The following TRMT44 variants were observed in gnomAD, a reference collection of about 807,000 sequenced individuals.
TRMT44 encodes the protein probable tRNA (uracil-O(2)-)-methyltransferase.
A neutral mutation model predicts 77.3 loss-of-function variants in TRMT44; 78 were observed. That is an observed-to-expected ratio of 1.01 (90% CI 0.84 to 1.22). The LOEUF is 1.22. Ranked by LOEUF, TRMT44 falls within the 50% of genes most tolerant of loss-of-function variation. The probability of loss-of-function intolerance (pLI) is 0.00; values close to 1 mark genes in which losing one functional copy is unlikely to be tolerated. For missense variants in TRMT44, 1,090 were observed against 964.4 expected, an observed-to-expected ratio of 1.13 and a Z score of -1.73; for synonymous variants, 391 against 383.3, an observed-to-expected ratio of 1.02 and a Z score of -0.23.
chr4:8,513,130 C>G, the TRMT44 span, among the ~76,000 whole-genome samples: 1 of 152,138 alleles, frequency 6.6e-6, no homozygotes, highest in African/African-American at 2.4e-5. Flanking sequence ...TCAGGCTGGT[C>G]TCGAACTCCT....
chr4:8,513,214 C>T, the TRMT44 span, among the ~76,000 whole-genome samples: 5 of 152,230 alleles, frequency 3.3e-5, no homozygotes, highest in African/African-American at 7.2e-5. Context: ...TACAGTTCCA[C>T]ATGGCTATGG....
At chr4:8,470,064 C>G (rs1726878640) in intron 9 of TRMT44, among the ~76,000 whole-genome samples, 1 of 152,258 alleles carries the variant, frequency 6.6e-6, no homozygotes, top group African/African-American at 2.4e-5. Context: ...AGGAGGCACC[C>G]ATGGCTGAGT....
intron 1 of TRMT44, among the ~76,000 whole-genome samples, chr4:8,442,584 C>T (rs2631726): frequency 6.6e-6 from 1 of 152,242 alleles, no homozygotes; most frequent in African/African-American, 2.4e-5. Flanking sequence ...GTCTCTCTCA[C>T]GAGGCCAAAA....
At chr4:8,505,596 G>C in the TRMT44 span, among the ~76,000 whole-genome samples, 1 of 152,220 alleles carries the variant, frequency 6.6e-6, no homozygotes, top group African/African-American at 2.4e-5. Context: ...TAGCTGCACT[G>C]TTTCATGCCC....
Position 8,441,176 on chromosome 4 carries a change from A to C in TRMT44, c.354A>C (p.Ser118=). 1 of 1,531,436 alleles carries C rather than the reference A, an allele frequency of 6.5e-7. No homozygotes were observed. Among genetic ancestry groups the C allele is most frequent in the Non-Finnish European group, 8.7e-7 (1 of 1,143,722 alleles). The allele number at this position is 1,531,436 out of a possible 1,614,324, so 94.9% of individuals were successfully genotyped here. Residue 118 remains serine, a synonymous_variant, in exon 1 of 11, where the codon TCA becomes TCC. Transcript: ENST00000389737. ...QQEEAQREAA[S]VPLRDSGHPG... ...AGGAGGCACAGAGGGAAGCCGCCTC[A>C]GTGCCCCTGAGGGACTCCGGGCACC... is the stretch of plus-strand genomic sequence containing the variant.
intron 6 of TRMT44, among the ~76,000 whole-genome samples, chr4:8,455,560 A>G (rs1461262440): frequency 6.6e-6 from 1 of 152,242 alleles, no homozygotes; most frequent in African/African-American, 2.4e-5. Flanking sequence ...GCCCCTACCC[A>G]GAGATAATCA....
At chr4:8,498,249 G>T (rs1434922319), downstream of TRMT44, among the ~76,000 whole-genome samples, 1 of 152,184 alleles carries the variant, frequency 6.6e-6, no homozygotes, top group Non-Finnish European at 1.5e-5. The surrounding 1 kb of genome is among the most constrained non-coding windows in gnomAD (Gnocchi z 4.3). Context: ...GCACTGCAGG[G>T]TCTGGCAGTT....
exon 3 of TRMT44, chr4:8,493,351 C>G (rs961072902): frequency 1.3e-5 from 2 of 152,200 alleles, no homozygotes; most frequent in Non-Finnish European, 2.9e-5. Context: ...GGAATGGACT[C>G]AGCTCAAGAG....
the TRMT44 span, among the ~76,000 whole-genome samples, chr4:8,504,528 T>A: frequency 6.6e-6 from 1 of 152,072 alleles, no homozygotes; most frequent in East Asian, 1.9e-4. This position sits in a 1 kb window ranked among gnomAD's most constrained non-coding sequence, Gnocchi z 5.3. Flanking sequence ...TGCCATTCCT[T>A]GGGTGTGGAC....
chr4:8,499,954 C>T, the TRMT44 span, among the ~76,000 whole-genome samples: 1 of 152,188 alleles, frequency 6.6e-6, no homozygotes, highest in African/African-American at 2.4e-5. Context: ...AGCCTATGGG[C>T]GCAGTGGCTC....
intron 2 of TRMT44, among the ~76,000 whole-genome samples, chr4:8,486,400 T>C (rs576107478): frequency 1.3e-5 from 2 of 152,324 alleles, no homozygotes; most frequent in South Asian, 4.1e-4. Context: ...GCCTCTATTA[T>C]TGTACACCTT....
rs768488027 is a variant in TRMT44 at position 8,468,342 on chromosome 4, G to A, written c.1923G>A (p.Gly641=). 2.5e-6 allele frequency: 4 copies of A among 1,613,942 alleles called. No individual in the cohort carries two copies. The highest frequency in any genetic ancestry group is 3.4e-6 in the Non-Finnish European group (4 of 1,179,988). Residue 641 remains glycine, a synonymous_variant, in exon 9 of 11, where the codon GGG becomes GGA. Transcript: ENST00000389737. Reference sequence around the variant, plus strand: ...ATGGGAGTTTGAAGACCTGGAATGGGGGAGGTAAGCTGTCCACCATCTTAG... The same window carrying A: ...ATGGGAGTTTGAAGACCTGGAATGGAGGAGGTAAGCTGTCCACCATCTTAG... ...SRNGSLKTWN[G]GESLSLAEVA...
the TRMT44 span, among the ~76,000 whole-genome samples, chr4:8,507,932 G>GT: frequency 6.6e-6 from 1 of 151,906 alleles, no homozygotes; most frequent in African/African-American, 2.4e-5. Flanking sequence ...TTGAAATGGA[G>GT]TTTCGCTTTT....
At chr4:8,460,642 C>T (rs1330596961) in intron 6 of TRMT44, among the ~76,000 whole-genome samples, 5 of 151,846 alleles carry the variant, frequency 3.3e-5, no homozygotes, top group African/African-American at 1.2e-4. Context: ...CAGCCTCCAC[C>T]TCCCAGGTTC....
intron 5 of TRMT44, 139 bp downstream of exon 5, chr4:8,453,128 T>C (rs962128281): frequency 1.2e-5 from 6 of 504,796 alleles, no homozygotes; most frequent in Admixed American, 4.0e-5. Context: ...TAGAGACTTA[T>C]AAATTTCTGT....
At chr4:8,465,699 T>C in intron 8 of TRMT44, 138 bp downstream of exon 8, 2 of 763,080 alleles carry the variant, frequency 2.6e-6, no homozygotes, top group Non-Finnish European at 2.0e-6. Flanking sequence ...TCTGTGCCTC[T>C]GTCACTGATG....
chr4:8,464,222 G>T, intron 7 of TRMT44, 131 bp downstream of exon 7: 1 of 642,952 alleles, frequency 1.6e-6, no homozygotes, highest in Non-Finnish European at 2.7e-6. Flanking sequence ...TCCAATTGTT[G>T]AAATGTTTGC....
rs543089415 is a variant in TRMT44, at chr4:8,461,927, G to A, written c.1204-2058G>A. On this transcript the variant is annotated intron_variant, in intron 6 of 10. Transcript: ENST00000389737. This position sits in a 1 kb window ranked among gnomAD's most constrained non-coding sequence, Gnocchi z 4.6. ...GTACAATCTAGAAAGTCAAAGGCCA[G>A]GCGTAGAATATAACTTTTTTTCTTT... is the stretch of plus-strand genomic sequence containing the variant. Among the ~76,000 whole-genome samples the A allele has an allele frequency of 6.6e-6, 1 of 152,268 alleles. No individual in the cohort carries two copies. The highest frequency in any genetic ancestry group is 2.1e-4 in the South Asian group (1 of 4,812).
intron 6 of TRMT44, among the ~76,000 whole-genome samples, chr4:8,456,930 T>C (rs533070621): frequency 6.6e-6 from 1 of 151,994 alleles, no homozygotes; most frequent in Non-Finnish European, 1.5e-5. Flanking sequence ...CTCATGCCTG[T>C]AATCTTAGCA....
Sources: allele counts gnomAD v4.1 joint callset (sites outside exome capture counted in the v4.1 genomes callset), GRCh38; gene constraint gnomAD v4.1.1; non-coding constraint Gnocchi (gnomAD v3.1); transcripts MANE v1.5; gene names NCBI Gene and HGNC (gene_info 2026-07-23, HGNC 2026-07-21).